The following TMEM74 variants were observed in gnomAD, a reference collection of about 807,000 sequenced individuals.
The protein encoded by TMEM74 is transmembrane protein 74.
Under a neutral mutation model 18.1 loss-of-function variants are expected in TMEM74, and 13 were observed. The observed-to-expected ratio is 0.72, with a 90% CI of 0.47 to 1.14. TMEM74 has a LOEUF of 1.14. TMEM74 is among the 50% of genes most tolerant of loss of function. TMEM74 has a pLI of 0.00. For missense variants in TMEM74, 372 were observed against 375.9 expected, an observed-to-expected ratio of 0.99 and a Z score of 0.09; for synonymous variants, 159 against 146.6, an observed-to-expected ratio of 1.08 and a Z score of -0.61.
intron 1 of TMEM74, among the ~76,000 whole-genome samples, chr8:108,691,890 G>C (rs1185088251): frequency 6.6e-6 from 1 of 152,092 alleles, no homozygotes; most frequent in Non-Finnish European, 1.5e-5. Context: ...TGCAGTCCTT[G>C]TTTATAGCAA....
At chr8:108,612,252 G>T (rs1461062029) in intron 2 of TMEM74, among the ~76,000 whole-genome samples, 2 of 151,956 alleles carry the variant, frequency 1.3e-5, no homozygotes, top group Non-Finnish European at 2.9e-5. Context: ...TGGTATTAAG[G>T]ATGCTGTCTA....
chr8:108,761,470 GT>G (rs1301466001), intron 1 of TMEM74, among the ~76,000 whole-genome samples: 1 of 152,078 alleles, frequency 6.6e-6, no homozygotes, highest in Non-Finnish European at 1.5e-5. Context: ...CATAGGTACA[GT>G]TCTGTACCTA....
intron 1 of TMEM74, among the ~76,000 whole-genome samples, chr8:108,762,402 C>G (rs970086770): frequency 6.6e-6 from 1 of 152,096 alleles, no homozygotes; most frequent in African/African-American, 2.4e-5. Flanking sequence ...TAGTAATATG[C>G]AGGCTTAGGA....
chr8:108,707,138 G>C (rs569291643), intron 1 of TMEM74, among the ~76,000 whole-genome samples: 1 of 122,506 alleles, frequency 8.2e-6, no homozygotes, highest in African/African-American at 3.1e-5. Flanking sequence ...TGAACAATGA[G>C]AACACTTGGA....
At chr8:108,756,599 A>AAAGAGAAAGGGAGGAAGG (rs1586286218) in intron 1 of TMEM74, among the ~76,000 whole-genome samples, 31 of 51,544 alleles carry the variant, frequency 6.0e-4, no homozygotes, top group East Asian at 4.3e-3. Context: ...AAAGAAAGAG[A>AAAGAGAAAGGGAGGAAGG]AAGGAAGGAA....
At chr8:108,735,646 G>T (rs1813741239) in intron 1 of TMEM74, among the ~76,000 whole-genome samples, 2 of 152,094 alleles carry the variant, frequency 1.3e-5, no homozygotes, top group South Asian at 4.1e-4. Flanking sequence ...CCTTTTAAAT[G>T]TTATGAATAA....
chr8:108,732,782 A>AAT (rs3049758), intron 1 of TMEM74, among the ~76,000 whole-genome samples: 105,524 of 148,204 alleles, frequency 0.71, 38,616 homozygotes, highest in African/African-American at 0.89. Flanking sequence ...AATATTTTCA[A>AAT]ATATATATAT....
intron 2 of TMEM74, among the ~76,000 whole-genome samples, chr8:108,639,466 A>T (rs184414504): frequency 2.4e-4 from 36 of 152,262 alleles, no homozygotes; most frequent in Admixed American, 3.9e-4. Flanking sequence ...ATATGCATGT[A>T]TATGTCTGTG....
downstream of TMEM74, among the ~76,000 whole-genome samples, chr8:108,776,478 G>A (rs368328117): frequency 1.1e-3 from 173 of 152,348 alleles, 1 homozygote; most frequent in Middle Eastern, 0.02. Flanking sequence ...GGGCAACAGA[G>A]TGAGATTCTG....
At chr8:108,633,345 T>G (rs1042653747) in intron 2 of TMEM74, among the ~76,000 whole-genome samples, 1 of 152,008 alleles carries the variant, frequency 6.6e-6, no homozygotes, top group Admixed American at 6.6e-5. Flanking sequence ...AATAAAAAAT[T>G]TGTGCTGCTA....
chr8:108,698,955 T>C (rs1237951938), intron 1 of TMEM74, among the ~76,000 whole-genome samples: 1 of 152,120 alleles, frequency 6.6e-6, no homozygotes, highest in Non-Finnish European at 1.5e-5. Flanking sequence ...TTAGACTCCC[T>C]GGAAAAGCTG....
chr8:108,622,744 G>A (rs1310955891), intron 2 of TMEM74, among the ~76,000 whole-genome samples: 1 of 151,984 alleles, frequency 6.6e-6, no homozygotes, highest in Non-Finnish European at 1.5e-5. Context: ...ATGAGAGGAT[G>A]GGAATCTATC....
chr8:108,786,530 T>G (rs1164665894), intron 1 of TMEM74, among the ~76,000 whole-genome samples: 1 of 152,178 alleles, frequency 6.6e-6, no homozygotes, highest in Non-Finnish European at 1.5e-5. Context: ...TGTTTTCTGC[T>G]ACACCTAAGA....
intron 1 of TMEM74, among the ~76,000 whole-genome samples, chr8:108,714,968 C>A (rs1188008365): frequency 6.6e-6 from 1 of 152,042 alleles, no homozygotes; most frequent in Non-Finnish European, 1.5e-5. Flanking sequence ...ATTCAAATTA[C>A]ATTTTTCTCA....
rs1175734936 is a variant in TMEM74 at position 108,737,748 on chromosome 8, AG to A, written n.119+49727del. 2.6e-5 allele frequency among the ~76,000 whole-genome samples: 4 copies of A among 152,178 alleles called. No homozygotes were observed. In the East Asian group the frequency reaches 7.7e-4, roughly 29 times the overall value. On this transcript the variant is annotated intron_variant and non_coding_transcript_variant, in intron 1 of 3. Coordinates refer to the TMEM74 transcript ENST00000518838. ...ACATGATATAATAAAAATTCAGTAG[AG>A]GAGGAATGTTTTGAATAGCATTTAC...
In TMEM74 at chr8:108,729,158, C is replaced by T. The variant is rs188163431; in HGVS notation, n.119+58318G>A. ...CCTTACTGAAGGCAAAGGGAAAAAA[C>T]TACTCTTGGGCTCCTTCATGTTATT... On this transcript the variant is annotated intron_variant and non_coding_transcript_variant, in intron 1 of 3. Transcript: ENST00000518838. Among the ~76,000 whole-genome samples, 10 of 152,306 alleles carry T rather than the reference C, an allele frequency of 6.6e-5. No homozygotes were observed. In the East Asian group the frequency reaches 1.9e-3, roughly 29 times the overall value.
intron 1 of TMEM74, among the ~76,000 whole-genome samples, chr8:108,743,259 C>T (rs963961334): frequency 6.6e-6 from 1 of 152,072 alleles, no homozygotes; most frequent in Non-Finnish European, 1.5e-5. Context: ...TAATATAAGT[C>T]GAATTTGTGG....
At chr8:108,756,512 C>T (rs959890905) in intron 1 of TMEM74, among the ~76,000 whole-genome samples, 4 of 130,508 alleles carry the variant, frequency 3.1e-5, no homozygotes, top group East Asian at 2.4e-4. Flanking sequence ...GATGCATATC[C>T]GCAAATTTAG....
At chr8:108,679,590 G>A (rs1168769284) in intron 1 of TMEM74, among the ~76,000 whole-genome samples, 1 of 152,032 alleles carries the variant, frequency 6.6e-6, no homozygotes, top group Non-Finnish European at 1.5e-5. Context: ...CTTTTTGATG[G>A]GGTTGTTTGT....
Sources: allele counts gnomAD v4.1 joint callset (sites outside exome capture counted in the v4.1 genomes callset), GRCh38; gene constraint gnomAD v4.1.1; transcripts MANE v1.5; gene names NCBI Gene and HGNC (gene_info 2026-07-23, HGNC 2026-07-21).